SCAPER: variants seen among roughly 807,000 people sequenced by gnomAD.
SCAPER encodes the protein S-phase cyclin A associated protein in the ER, also known as S phase cyclin A-associated protein in the endoplasmic reticulum.
A neutral mutation model predicts 182.2 loss-of-function variants in SCAPER; 98 were observed. The ratio of observed to expected loss-of-function variants is 0.54; its 90% CI spans 0.46 to 0.64. SCAPER has a LOEUF of 0.64. Ranked by LOEUF, SCAPER falls within the 30% of genes least tolerant of loss-of-function variation. The pLI, the probability that SCAPER is intolerant of heterozygous loss-of-function variation, is 0.00. For synonymous variants in SCAPER, 605 were observed against 564.6 expected, an observed-to-expected ratio of 1.07 and a Z score of -1.01; for missense variants, 1,432 against 1,690.0, an observed-to-expected ratio of 0.85 and a Z score of 2.68.
chr15:76,792,964 A>C (rs899637161), intron 8 of SCAPER, among the ~76,000 whole-genome samples: 2 of 152,268 alleles, frequency 1.3e-5, no homozygotes, highest in Admixed American at 1.3e-4. Context: ...CACAGGATTC[A>C]GCTAGCTCAC....
chr15:76,771,159 T>G (rs2063448829), intron 10 of SCAPER, among the ~76,000 whole-genome samples: 1 of 152,116 alleles, frequency 6.6e-6, no homozygotes, highest in South Asian at 2.1e-4. Context: ...TTAGCATGAT[T>G]TATTCTGGAT....
intron 8 of SCAPER, among the ~76,000 whole-genome samples, chr15:76,778,806 C>T (rs953625119): frequency 2.0e-5 from 3 of 151,930 alleles, no homozygotes; most frequent in Admixed American, 6.6e-5. Flanking sequence ...TAAGTATATA[C>T]TTAGATATGC....
chr15:76,753,449 A>C (rs2062217773), intron 15 of SCAPER, among the ~76,000 whole-genome samples: 1 of 151,978 alleles, frequency 6.6e-6, no homozygotes, highest in Non-Finnish European at 1.5e-5. Context: ...ATCAGTAATT[A>C]GATAATAGAG....
chr15:76,622,812 T>C (rs181714760), intron 21 of SCAPER, among the ~76,000 whole-genome samples: 2 of 152,296 alleles, frequency 1.3e-5, no homozygotes, highest in African/African-American at 4.8e-5. Flanking sequence ...GTATTATCCC[T>C]ATGATATAAT....
intron 21 of SCAPER, among the ~76,000 whole-genome samples, chr15:76,639,413 G>C (rs1174489375): frequency 6.6e-6 from 1 of 152,174 alleles, no homozygotes; most frequent in African/African-American, 2.4e-5. Flanking sequence ...AAGGCGCAGG[G>C]ATTGCCCCTC....
chr15:76,714,810 G>A (rs529008153), intron 17 of SCAPER, among the ~76,000 whole-genome samples: 17 of 151,872 alleles, frequency 1.1e-4, no homozygotes, highest in East Asian at 3.9e-4. Flanking sequence ...AATTTATATC[G>A]GTAAATTGCG....
chr15:76,779,295 A>C (rs889254758), intron 8 of SCAPER, among the ~76,000 whole-genome samples: 3 of 152,200 alleles, frequency 2.0e-5, no homozygotes, highest in African/African-American at 7.2e-5. Context: ...GAGGCATAAA[A>C]TAAACTTCTA....
intron 26 of SCAPER, among the ~76,000 whole-genome samples, chr15:76,405,616 C>A (rs534901617): frequency 6.6e-6 from 1 of 152,264 alleles, no homozygotes; most frequent in East Asian, 1.9e-4. Flanking sequence ...ACTGGACTGA[C>A]AACAGTAACT....
chr15:76,815,143 C>T (rs776929139), intron 5 of SCAPER, among the ~76,000 whole-genome samples: 1 of 152,036 alleles, frequency 6.6e-6, no homozygotes, highest in Non-Finnish European at 1.5e-5. Context: ...GAAGAAAACC[C>T]TTGTACACTA....
chr15:76,611,394 C>A (rs2050974020), intron 22 of SCAPER, among the ~76,000 whole-genome samples: 1 of 152,094 alleles, frequency 6.6e-6, no homozygotes, highest in Admixed American at 6.5e-5. Context: ...GAAACGGAAT[C>A]TCTGAACAAA....
At chr15:76,773,061 C>T (rs893038283) in intron 9 of SCAPER, among the ~76,000 whole-genome samples, 1 of 151,804 alleles carries the variant, frequency 6.6e-6, no homozygotes, top group Non-Finnish European at 1.5e-5. Context: ...GTTTATACTG[C>T]TATCAACATT....
chr15:76,381,266 T>C, intron 28 of SCAPER, 112 bp downstream of exon 28: 1 of 706,162 alleles, frequency 1.4e-6, no homozygotes. Context: ...ATAATTCCAT[T>C]TATTGTAGTT....
chr15:76,745,814 A>C (rs1397660562), intron 15 of SCAPER, among the ~76,000 whole-genome samples: 1 of 152,260 alleles, frequency 6.6e-6, no homozygotes, highest in African/African-American at 2.4e-5. Flanking sequence ...CAAAATGAGA[A>C]TACTAAAGTA....
At chr15:76,504,056 T>C (rs759645126) in intron 24 of SCAPER, among the ~76,000 whole-genome samples, 52 of 152,124 alleles carry the variant, frequency 3.4e-4, no homozygotes, top group Non-Finnish European at 6.8e-4. Context: ...CTGGCTAAAT[T>C]TGTTAATGTT....
At chr15:76,683,356 A>G (rs767111174) in intron 20 of SCAPER, among the ~76,000 whole-genome samples, 1 of 152,182 alleles carries the variant, frequency 6.6e-6, no homozygotes, top group Non-Finnish European at 1.5e-5. Flanking sequence ...CAAAATAAAG[A>G]AAAAAGAATA....
intron 15 of SCAPER, among the ~76,000 whole-genome samples, chr15:76,749,068 A>G (rs2151165202): frequency 6.6e-6 from 1 of 152,220 alleles, no homozygotes; most frequent in East Asian, 1.9e-4. Flanking sequence ...AAGAAAAGAA[A>G]CTACAGAACA....
At chr15:76,537,298 C>G (rs199877527) in intron 23 of SCAPER, among the ~76,000 whole-genome samples, 1 of 151,778 alleles carries the variant, frequency 6.6e-6, no homozygotes, top group Non-Finnish European at 1.5e-5. Flanking sequence ...GGAGGCATCA[C>G]GCTACCTGAC....
chr15:76,665,574 T>A, intron 21 of SCAPER, 79 bp downstream of exon 21: 1 of 1,457,920 alleles, frequency 6.9e-7, no homozygotes, highest in Non-Finnish European at 9.1e-7. Flanking sequence ...ACTTTAAACT[T>A]TTTTTGTCTT....
chr15:76,574,045 TA>T, intron 23 of SCAPER, 112 bp downstream of exon 23: 1 of 1,050,364 alleles, frequency 9.5e-7, no homozygotes, highest in Non-Finnish European at 1.2e-6. Flanking sequence ...TGACTAGCTT[TA>T]AAAAACACAG....
Sources: allele counts gnomAD v4.1 joint callset (sites outside exome capture counted in the v4.1 genomes callset), GRCh38; gene constraint gnomAD v4.1.1; transcripts MANE v1.5; gene names NCBI Gene and HGNC (gene_info 2026-07-23, HGNC 2026-07-21).